CUL2: variants seen among roughly 807,000 people sequenced by gnomAD.
CUL2 encodes cullin-2.
Under a neutral mutation model 110.2 loss-of-function variants are expected in CUL2, and 22 were observed. That is an observed-to-expected ratio of 0.20 (90% CI 0.14 to 0.28). The LOEUF (loss-of-function observed/expected upper bound fraction) is 0.28. Among genes scored for constraint, CUL2 ranks in the 10% least tolerant of loss-of-function variants. The pLI is 1.00. For synonymous variants in CUL2, 279 were observed against 293.2 expected (o/e 0.95, Z 0.49); for missense variants, 631 against 905.5 (o/e 0.70, Z 3.89).
chr10:35,070,764 C>G (rs1233183634), intron 2 of CUL2, among the ~76,000 whole-genome samples: 3 of 152,210 alleles, frequency 2.0e-5, no homozygotes, highest in Non-Finnish European at 4.4e-5. Context: ...TCACCATCCT[C>G]AGGGAGGCCT....
chr10:35,032,575 C>T (rs1351465049), intron 11 of CUL2, 81 bp from the exon 12 acceptor site: 5 of 1,098,976 alleles, frequency 4.5e-6, no homozygotes, highest in Non-Finnish European at 6.5e-6. Context: ...ATAATCTGTA[C>T]ATCCAAAAAT....
intron 1 of CUL2, among the ~76,000 whole-genome samples, chr10:35,076,376 T>A (rs967355053): frequency 1.3e-4 from 20 of 152,160 alleles, no homozygotes; most frequent in African/African-American, 4.6e-4. Context: ...TTAAATTGTA[T>A]ATTTCAAATA....
At chr10:35,093,213 G>T (rs1352575632), upstream of CUL2, among the ~76,000 whole-genome samples, 1 of 151,796 alleles carries the variant, frequency 6.6e-6, no homozygotes, top group African/African-American at 2.4e-5. Context: ...AACCCAGGGG[G>T]AGACTGATTT....
At chr10:35,032,922 C>T (rs2085514199) in intron 11 of CUL2, among the ~76,000 whole-genome samples, 1 of 152,040 alleles carries the variant, frequency 6.6e-6, no homozygotes, top group Non-Finnish European at 1.5e-5. Context: ...CATGTCTATC[C>T]AGAACATATC....
At chr10:35,059,908 A>C (rs2086338916) in intron 4 of CUL2, among the ~76,000 whole-genome samples, 1 of 152,232 alleles carries the variant, frequency 6.6e-6, no homozygotes, top group South Asian at 2.1e-4. Flanking sequence ...CACATACACA[A>C]ACACATATTA....
chr10:35,098,965 C>T (rs898692304), intron 2 of CUL2, among the ~76,000 whole-genome samples: 1 of 151,914 alleles, frequency 6.6e-6, no homozygotes, highest in African/African-American at 2.4e-5. Flanking sequence ...TAATATAGGC[C>T]ATCTCATTTG....
At chr10:35,011,824 C>T in intron 20 of CUL2, 24 bp downstream of exon 20, 1 of 1,290,218 alleles carries the variant, frequency 7.8e-7, no homozygotes, top group Non-Finnish European at 1.1e-6. Flanking sequence ...CCCTAAGAAG[C>T]CCTGAGGACT....
Position 35,011,961 on chromosome 10 carries a change from T to C in CUL2, c.1993A>G (p.Met665Val). The C allele has an allele frequency of 6.3e-7, 1 of 1,576,576 alleles. No homozygotes were observed. Among genetic ancestry groups the C allele is most frequent in the East Asian group, 2.3e-5 (1 of 43,880 alleles). The change falls in exon 20 of 21, where the codon ATG becomes GTG. Residue 665 changes from methionine to valine, a missense_variant. Coordinates refer to ENST00000374749, the MANE Select transcript of CUL2 (RefSeq NM_003591.4). Reference protein sequence around the residue: ...TSMQKDTPQEMEQTRSAVDED... With the variant: ...TSMQKDTPQEVEQTRSAVDED... ...TCAACTGCACTTCTAGTCTGCTCCA[T>C]TTCCTGTTTTACAGAAGAAAAGAAA... is the stretch of plus-strand genomic sequence containing the variant.
chr10:35,088,499 C>CAAAAAAAAAA (rs9299718), intron 1 of CUL2, among the ~76,000 whole-genome samples: 14 of 88,542 alleles, frequency 1.6e-4, no homozygotes, highest in African/African-American at 2.6e-4. Context: ...GACTCCGCCT[C>CAAAAAAAAAA]AAAAAAAAAA....
intron 2 of CUL2, among the ~76,000 whole-genome samples, chr10:35,063,330 A>G (rs2086432244): frequency 6.6e-6 from 1 of 152,184 alleles, no homozygotes; most frequent in South Asian, 2.1e-4. Context: ...AGAGGTTAAA[A>G]TCCAGAGGGA....
intron 2 of CUL2, among the ~76,000 whole-genome samples, chr10:35,066,900 G>C (rs1035003568): frequency 6.6e-6 from 1 of 152,126 alleles, no homozygotes; most frequent in Non-Finnish European, 1.5e-5. Context: ...TCTAACACTT[G>C]TGAAAAGTGT....
In CUL2 at chr10:35,075,512, T is replaced by C. The variant is rs552769508; in HGVS notation, c.-22-4173A>G. 3.9e-5 allele frequency among the ~76,000 whole-genome samples: 6 copies of C among 152,200 alleles called. No homozygotes were observed. The South Asian group carries it at 1.2e-3, about 32-fold the overall frequency. ...TCAGATTGTGTCCCATCAAGTTAAC[T>C]GCAAAAATCCAAATCTCCTGAAATC... is the stretch of plus-strand genomic sequence containing the variant. On this transcript the variant is annotated intron_variant, in intron 1 of 20. Transcript: ENST00000374749.
intron 2 of CUL2, 113 bp downstream of exon 2, chr10:35,071,086 T>C (rs2086664588): frequency 1.0e-6 from 1 of 990,438 alleles, no homozygotes; most frequent in Admixed American, 2.4e-5. Flanking sequence ...TAGATGATAA[T>C]ATATTAGAAA....
Position 35,039,016 on chromosome 10 carries a change from T to C in CUL2, c.781A>G (p.Lys261Glu). The change falls in exon 9 of 21, where the codon AAG (lysine) becomes GAG (glutamate). Residue 261 changes from lysine (K) to glutamate (E), a missense_variant. Physicochemically the swap from Lys to Glu is moderately conservative, Grantham distance 56. Around this residue, in one of 3 missense-constraint regions of CUL2, gnomAD observed 338 missense variants for 442.5 expected, o/e 0.76. Coordinates refer to ENST00000374749, the MANE Select transcript of CUL2 (RefSeq NM_003591.4). Reference sequence around the variant, plus strand: ...CGTTGTTGACATTCATGAATCACCTTAGTATATGAACTTGGATGTAGGTAT... The same window carrying C: ...CGTTGTTGACATTCATGAATCACCTCAGTATATGAACTTGGATGTAGGTAT... ...RKYLHPSSYTKVIHECQQRMV... is the reference protein window; with the variant it reads ...RKYLHPSSYTEVIHECQQRMV... 1.2e-6 allele frequency: 2 copies of C among 1,608,430 alleles called. No homozygotes were observed. The highest frequency in any genetic ancestry group is 1.7e-6 in the Non-Finnish European group (2 of 1,175,908).
intron 1 of CUL2, among the ~76,000 whole-genome samples, chr10:35,111,944 G>C (rs139037956): frequency 1.9e-4 from 29 of 152,288 alleles, no homozygotes; most frequent in African/African-American, 5.3e-4. Flanking sequence ...ATAGCCTACT[G>C]TCCAGAGATT....
At chr10:35,106,298 T>A (rs896483045) in intron 1 of CUL2, among the ~76,000 whole-genome samples, 118 of 147,536 alleles carry the variant, frequency 8.0e-4, no homozygotes, top group African/African-American at 2.8e-3. Flanking sequence ...AATAAATGTG[T>A]TTTTTGTTTT....
intron 17 of CUL2, 24 bp from the exon 18 acceptor site, chr10:35,016,418 A>G (rs1197372312): frequency 1.3e-6 from 2 of 1,521,586 alleles, no homozygotes; most frequent in Non-Finnish European, 1.8e-6. Flanking sequence ...AAAAACTGAC[A>G]GTGAATTGAC....
chr10:35,090,991 G>C (rs145037677), upstream of CUL2, among the ~76,000 whole-genome samples: 72 of 152,172 alleles, frequency 4.7e-4, no homozygotes, highest in African/African-American at 1.7e-3. Context: ...TCTTTTTCTT[G>C]TTAGTTTTTA....
chr10:35,044,750 G>A, intron 7 of CUL2, 22 bp downstream of exon 7: 1 of 1,587,522 alleles, frequency 6.3e-7, no homozygotes, highest in Non-Finnish European at 8.6e-7. Context: ...CTGATTATTT[G>A]TTTTTAAAGG....
Sources: gnomAD v4.1 joint callset for allele counts (sites outside exome capture counted in the v4.1 genomes callset) on GRCh38, gnomAD v4.1.1 for gene constraint, gnomAD v4.1.1 regional missense constraint, MANE v1.5 for transcripts, NCBI Gene and HGNC (gene_info 2026-07-23, HGNC 2026-07-21) for gene names.